Variants in PTPRD observed in about 807,000 individuals in gnomAD.
PTPRD encodes the protein protein tyrosine phosphatase receptor type D, also known as receptor-type tyrosine-protein phosphatase delta.
PTPRD carries 34 observed loss-of-function variants against 214.5 expected under a neutral mutation model. The ratio of observed to expected loss-of-function variants is 0.16; its 90% CI spans 0.12 to 0.21. PTPRD has a LOEUF of 0.21. PTPRD is among the 10% of genes least tolerant of loss of function. PTPRD has a pLI of 1.00. For missense variants in PTPRD, 2,545 were observed against 2,398.7 expected, an observed-to-expected ratio of 1.06 and a Z score of -1.27; for synonymous variants, 1,128 against 845.7, an observed-to-expected ratio of 1.33 and a Z score of -5.79.
At chr9:10,095,388 T>A (rs141486310) in intron 3 of PTPRD, among the ~76,000 whole-genome samples, 145 of 151,610 alleles carry the variant, frequency 9.6e-4, no homozygotes, top group African/African-American at 3.3e-3. Context: ...CTTCAGAATC[T>A]ATGAATGCAT....
At chr9:8,493,795 C>G (rs561886712) in intron 26 of PTPRD, among the ~76,000 whole-genome samples, 4 of 152,176 alleles carry the variant, frequency 2.6e-5, no homozygotes, top group South Asian at 4.2e-4. Flanking sequence ...TACCTAAATT[C>G]TTAGTTTTCT....
intron 6 of PTPRD, among the ~76,000 whole-genome samples, chr9:9,760,831 A>G (rs2098648736): frequency 6.6e-6 from 1 of 152,206 alleles, no homozygotes; most frequent in South Asian, 2.1e-4. Context: ...ATGCAAATTA[A>G]AAATATTAAT....
At chr9:9,055,471 G>A (rs1400816071) in intron 10 of PTPRD, among the ~76,000 whole-genome samples, 3 of 151,972 alleles carry the variant, frequency 2.0e-5, no homozygotes, top group Non-Finnish European at 2.9e-5. Context: ...AAGTGCCCTC[G>A]TGAAAATACC....
chr9:8,750,532 C>G (rs1477559942), intron 11 of PTPRD, among the ~76,000 whole-genome samples: 1 of 152,008 alleles, frequency 6.6e-6, no homozygotes, highest in Non-Finnish European at 1.5e-5. Context: ...AGAAAAATAA[C>G]TGGTATGTGG....
intron 10 of PTPRD, among the ~76,000 whole-genome samples, chr9:9,116,917 G>T (rs2099812877): frequency 6.6e-6 from 1 of 152,060 alleles, no homozygotes; most frequent in African/African-American, 2.4e-5. Flanking sequence ...GCTTTCCAAT[G>T]CTTGTTACCA....
At chr9:9,154,873 T>C (rs1241402510) in intron 10 of PTPRD, among the ~76,000 whole-genome samples, 5 of 152,066 alleles carry the variant, frequency 3.3e-5, no homozygotes, top group Non-Finnish European at 7.4e-5. Context: ...CAGTAAAAAA[T>C]ATTATTAGGT....
At chr9:9,788,507 G>A (rs574901103) in intron 5 of PTPRD, among the ~76,000 whole-genome samples, 7 of 149,936 alleles carry the variant, frequency 4.7e-5, no homozygotes, top group African/African-American at 1.7e-4. Flanking sequence ...AGCCGAGATC[G>A]GGCCACGGCA....
At chr9:10,590,752 C>G (rs865897060) in intron 2 of PTPRD, among the ~76,000 whole-genome samples, 1 of 151,832 alleles carries the variant, frequency 6.6e-6, no homozygotes, top group Non-Finnish European at 1.5e-5. Context: ...TCTATACAGG[C>G]ACTCCCCCAA....
intron 9 of PTPRD, among the ~76,000 whole-genome samples, chr9:9,356,207 C>A (rs1445397278): frequency 1.3e-5 from 2 of 150,554 alleles, no homozygotes; most frequent in South Asian, 2.1e-4. Flanking sequence ...GAAATGGGGA[C>A]AAGACAATTT....
At chr9:8,475,931 A>G (rs1356603720) in intron 30 of PTPRD, among the ~76,000 whole-genome samples, 5 of 152,168 alleles carry the variant, frequency 3.3e-5, no homozygotes, top group African/African-American at 7.2e-5. Flanking sequence ...TTCAATTCAC[A>G]ATACAAAATT....
At chr9:8,347,497 C>A (rs935138430) in intron 39 of PTPRD, among the ~76,000 whole-genome samples, 1 of 152,146 alleles carries the variant, frequency 6.6e-6, no homozygotes, top group Non-Finnish European at 1.5e-5. Context: ...GAATAAACAT[C>A]TAATTACAAA....
chr9:9,594,682 T>TA (rs1388420880), intron 7 of PTPRD, among the ~76,000 whole-genome samples: 1 of 152,124 alleles, frequency 6.6e-6, no homozygotes, highest in Non-Finnish European at 1.5e-5. Context: ...CCTTATAGTA[T>TA]AGTTTGAAAT....
chr9:9,953,352 G>T (rs1356568144), intron 4 of PTPRD, among the ~76,000 whole-genome samples: 1 of 151,992 alleles, frequency 6.6e-6, no homozygotes, highest in Non-Finnish European at 1.5e-5. Flanking sequence ...TACATACTGG[G>T]TACAGTGTAC....
intron 2 of PTPRD, among the ~76,000 whole-genome samples, chr9:10,433,028 T>TA (rs1256937583): frequency 6.6e-6 from 1 of 151,944 alleles, no homozygotes; most frequent in Non-Finnish European, 1.5e-5. Flanking sequence ...CTCCTTTTTT[T>TA]GTTTTAGTTT....
At chr9:9,330,831 G>A (rs2042030646) in intron 9 of PTPRD, among the ~76,000 whole-genome samples, 1 of 151,062 alleles carries the variant, frequency 6.6e-6, no homozygotes, top group African/African-American at 2.4e-5. Flanking sequence ...TAGGAAGAAA[G>A]AGACATGGGA....
chr9:9,014,382 G>T (rs941575725), intron 11 of PTPRD, among the ~76,000 whole-genome samples: 1 of 151,922 alleles, frequency 6.6e-6, no homozygotes, highest in Non-Finnish European at 1.5e-5. Context: ...TTTGCTTTTA[G>T]TCATGCCCTT....
intron 35 of PTPRD, among the ~76,000 whole-genome samples, chr9:8,415,680 A>G (rs879906739): frequency 6.6e-6 from 1 of 152,180 alleles, no homozygotes; most frequent in Non-Finnish European, 1.5e-5. Flanking sequence ...GTGTATTAAC[A>G]TATCTAAAAA....
chr9:9,298,195 T>C (rs1953853800), intron 9 of PTPRD, among the ~76,000 whole-genome samples: 1 of 151,682 alleles, frequency 6.6e-6, no homozygotes, highest in African/African-American at 2.4e-5. Flanking sequence ...AAACATGTTA[T>C]TAACCTAAAG....
intron 39 of PTPRD, among the ~76,000 whole-genome samples, chr9:8,355,172 T>C (rs780634218): frequency 1.3e-5 from 2 of 152,076 alleles, no homozygotes; most frequent in Admixed American, 1.3e-4. Flanking sequence ...ACTGATTGTT[T>C]AAAATAGTGC....
Sources: gnomAD v4.1 joint callset for allele counts (sites outside exome capture counted in the v4.1 genomes callset) on GRCh38, gnomAD v4.1.1 for gene constraint, MANE v1.5 for transcripts, NCBI Gene and HGNC (gene_info 2026-07-23, HGNC 2026-07-21) for gene names.